Variants in HERC4 observed in about 807,000 individuals in gnomAD.
HERC4 encodes the protein probable E3 ubiquitin-protein ligase HERC4.
A neutral mutation model predicts 124.3 loss-of-function variants in HERC4; 28 were observed. The observed-to-expected ratio is 0.23, with a 90% CI of 0.17 to 0.31. The LOEUF (loss-of-function observed/expected upper bound fraction) is 0.31. Ranked by LOEUF, HERC4 falls within the 10% of genes least tolerant of loss-of-function variation. The pLI, the probability that HERC4 is intolerant of heterozygous loss-of-function variation, is 1.00. For synonymous variants in HERC4, 407 were observed against 421.5 expected (o/e 0.97, Z 0.42); for missense variants, 713 against 1,229.3 (o/e 0.58, Z 6.28).
intron 3 of HERC4, among the ~76,000 whole-genome samples, chr10:68,046,871 T>A (rs1361445455): frequency 6.6e-6 from 1 of 151,974 alleles, no homozygotes; most frequent in East Asian, 1.9e-4. Context: ...GTGGGGAGAA[T>A]CACTCGAGCC....
At chr10:68,052,919 TAG>T (rs1386865657) in intron 3 of HERC4, among the ~76,000 whole-genome samples, 4 of 152,182 alleles carry the variant, frequency 2.6e-5, no homozygotes, top group Non-Finnish European at 5.9e-5. Context: ...GCTACAAAGA[TAG>T]AGACTCCAGA....
intron 19 of HERC4, among the ~76,000 whole-genome samples, chr10:67,944,737 T>A (rs2033189282): frequency 6.6e-6 from 1 of 152,156 alleles, no homozygotes; most frequent in African/African-American, 2.4e-5. Context: ...CAGAATCCTA[T>A]CAGATAAATT....
rs1299273072 is a variant in HERC4, at chr10:67,922,169, A to G, written c.*762T>C. The G allele has an allele frequency of 2.0e-5, 3 of 152,156 alleles. No individual in the cohort carries two copies. Among genetic ancestry groups the G allele is most frequent in the Non-Finnish European group, 4.4e-5 (3 of 68,010 alleles). The allele number at this position is 152,156 out of a possible 1,614,324, so 9.4% of individuals were successfully genotyped here. On this transcript the variant is annotated 3_prime_UTR_variant, in exon 25 of 25. Coordinates refer to ENST00000373700, the MANE Select transcript of HERC4 (RefSeq NM_015601.4). ...CAGTGATTGGTGCTCATAGTAGCCA[A>G]TGTTTCTTTTTATTACTGGCAACTG...
intron 15 of HERC4, among the ~76,000 whole-genome samples, chr10:67,970,578 C>T (rs1385910071): frequency 2.0e-5 from 3 of 146,686 alleles, no homozygotes; most frequent in Admixed American, 6.9e-5. Context: ...GGTGACAGAG[C>T]GAGACTCTGT....
At chr10:68,026,876 C>T (rs1349957989) in intron 7 of HERC4, among the ~76,000 whole-genome samples, 10 of 151,738 alleles carry the variant, frequency 6.6e-5, no homozygotes, top group African/African-American at 2.2e-4. Flanking sequence ...GTAGTGGGTG[C>T]CTGTAGTTCC....
intron 21 of HERC4, among the ~76,000 whole-genome samples, chr10:67,939,007 T>A (rs2032643589): frequency 6.6e-6 from 1 of 152,198 alleles, no homozygotes; most frequent in Non-Finnish European, 1.5e-5. Context: ...TTGTGCATCT[T>A]TTACAAGATT....
At chr10:67,942,470 G>A (rs2032994552) in intron 19 of HERC4, among the ~76,000 whole-genome samples, 1 of 152,120 alleles carries the variant, frequency 6.6e-6, no homozygotes. Context: ...AGACAGTCAA[G>A]CATATTGCTA....
In HERC4 at chr10:68,064,487, G is replaced by A. The variant is rs545433307; in HGVS notation, c.226+8396C>T. On this transcript the variant is annotated intron_variant, in intron 3 of 24. Coordinates refer to ENST00000373700, the MANE Select transcript of HERC4 (RefSeq NM_015601.4). ...GAGAATCATCTGAACCTGGGAGGCG[G>A]AGGTTGCTGTGAGCCAAGATGGCAC... Among the ~76,000 whole-genome samples, 14 of 147,212 alleles carry A rather than the reference G, an allele frequency of 9.5e-5. No homozygotes were observed. The East Asian group carries it at 1.4e-3, about 15-fold the overall frequency.
chr10:67,977,161 G>A (rs904663411), intron 15 of HERC4, among the ~76,000 whole-genome samples: 6 of 152,232 alleles, frequency 3.9e-5, no homozygotes, highest in South Asian at 2.1e-4. Flanking sequence ...TTCCACTTGC[G>A]GAGAGAAGAC....
chr10:68,031,443 T>C (rs1283905610), intron 7 of HERC4, among the ~76,000 whole-genome samples: 3 of 152,168 alleles, frequency 2.0e-5, no homozygotes, highest in South Asian at 4.1e-4. Flanking sequence ...ACATTTGTTA[T>C]CTGAATGCCA....
At chr10:68,004,839 C>T (rs1033851481) in intron 9 of HERC4, among the ~76,000 whole-genome samples, 1 of 152,180 alleles carries the variant, frequency 6.6e-6, no homozygotes, top group Admixed American at 6.5e-5. Context: ...GAACAGCATG[C>T]AGGAAACCGA....
At chr10:68,000,488 A>C (rs1245483029) in intron 9 of HERC4, among the ~76,000 whole-genome samples, 1 of 151,808 alleles carries the variant, frequency 6.6e-6, no homozygotes, top group Non-Finnish European at 1.5e-5. Flanking sequence ...CTGAGGTGGG[A>C]GGATCGCTTG....
chr10:68,034,632 T>TG (rs2133373767), intron 5 of HERC4, among the ~76,000 whole-genome samples: 1 of 152,276 alleles, frequency 6.6e-6, no homozygotes, highest in South Asian at 2.1e-4. Context: ...CATAACCCAT[T>TG]GTTTACCTGA....
At chr10:68,047,534 C>T (rs1050114874) in intron 3 of HERC4, among the ~76,000 whole-genome samples, 4 of 152,060 alleles carry the variant, frequency 2.6e-5, no homozygotes, top group East Asian at 3.8e-4. Context: ...AATAAGAAAA[C>T]GAACAATCCT....
chr10:67,944,472 C>A (rs2033167220), intron 19 of HERC4, among the ~76,000 whole-genome samples: 1 of 152,156 alleles, frequency 6.6e-6, no homozygotes, highest in African/African-American at 2.4e-5. Flanking sequence ...GGAAGGCCTT[C>A]CTAAGAAGGA....
intron 16 of HERC4, among the ~76,000 whole-genome samples, chr10:67,959,996 T>C (rs1345119959): frequency 2.6e-5 from 4 of 152,252 alleles, no homozygotes; most frequent in Admixed American, 6.5e-5. Context: ...AGGTGACCTA[T>C]AGACCTGTGC....
At chr10:68,053,332 GTCTC>G (rs1375921049) in intron 3 of HERC4, among the ~76,000 whole-genome samples, 1 of 149,042 alleles carries the variant, frequency 6.7e-6, no homozygotes, top group Non-Finnish European at 1.5e-5. Context: ...TTTAGACCAG[GTCTC>G]TCTGTCGCCC....
At chr10:68,049,045 T>G (rs2040153421) in intron 3 of HERC4, among the ~76,000 whole-genome samples, 1 of 152,082 alleles carries the variant, frequency 6.6e-6, no homozygotes, top group South Asian at 2.1e-4. Flanking sequence ...CAATTCCAAT[T>G]CCAGGAATTT....
chr10:67,929,548 G>C (rs1247122885), intron 23 of HERC4, among the ~76,000 whole-genome samples: 5 of 151,962 alleles, frequency 3.3e-5, no homozygotes, highest in Non-Finnish European at 5.9e-5. Context: ...TTTGAGACAG[G>C]GTCTTGCTTT....
Sources: allele counts gnomAD v4.1 joint callset (sites outside exome capture counted in the v4.1 genomes callset), GRCh38; gene constraint gnomAD v4.1.1; transcripts MANE v1.5; gene names NCBI Gene and HGNC (gene_info 2026-07-23, HGNC 2026-07-21).